TMEM117: variants seen among roughly 807,000 people sequenced by gnomAD.
The protein encoded by TMEM117 is transmembrane protein 117.
In TMEM117, 27 loss-of-function variants were observed where a neutral mutation model predicts 52.4. The observed-to-expected ratio is 0.51, with a 90% CI of 0.38 to 0.71. The LOEUF (loss-of-function observed/expected upper bound fraction) is 0.71. Ranked by LOEUF, TMEM117 falls within the 30% of genes least tolerant of loss-of-function variation. The pLI, the probability that TMEM117 is intolerant of heterozygous loss-of-function variation, is 0.00. For missense variants in TMEM117, 556 were observed against 630.5 expected, an observed-to-expected ratio of 0.88 and a Z score of 1.26; for synonymous variants, 215 against 206.3, an observed-to-expected ratio of 1.04 and a Z score of -0.36.
chr12:44,155,113 T>TA (rs1339366059), intron 4 of TMEM117, among the ~76,000 whole-genome samples: 31 of 152,176 alleles, frequency 2.0e-4, no homozygotes, highest in Admixed American at 4.6e-4. Context: ...CATTTTGAGA[T>TA]AAAAAAACTC....
chr12:44,068,137 G>A (rs1485898731), intron 3 of TMEM117, among the ~76,000 whole-genome samples: 3 of 152,200 alleles, frequency 2.0e-5, no homozygotes, highest in African/African-American at 7.2e-5. Context: ...ATTGAAGAGA[G>A]TTAGGGCCTT....
chr12:44,134,190 G>A (rs984675389), intron 3 of TMEM117, among the ~76,000 whole-genome samples: 13 of 152,080 alleles, frequency 8.5e-5, no homozygotes, highest in Admixed American at 6.6e-4. Flanking sequence ...CTCTCAAAAC[G>A]GAGACACATT....
At position 43,992,454 on chromosome 12, in the gene TMEM117, A is replaced by G. The variant is rs141458555; in HGVS notation, c.410+48112A>G. 5.2e-3 allele frequency among the ~76,000 whole-genome samples: 784 copies of G among 151,760 alleles called. 9 individuals carry two copies. The highest frequency in any genetic ancestry group is 0.018 in the African/African-American group (725 of 41,406). ...GGCTAATTTCTTTTTTGTTTTTTAAACTTTTTGTAGACACGGGTCTCACCA... is the reference window on the plus strand; with the variant it reads ...GGCTAATTTCTTTTTTGTTTTTTAAGCTTTTTGTAGACACGGGTCTCACCA... On this transcript the variant is annotated intron_variant, in intron 3 of 7. Transcript: ENST00000266534.
rs531611669 is a variant in TMEM117 at position 44,160,292 on chromosome 12, TAC to T, written c.510+16678_510+16679del. Among the ~76,000 whole-genome samples, 123 of 152,142 alleles carry T rather than the reference TAC, an allele frequency of 8.1e-4. 2 individuals are homozygous for T. In the East Asian group the frequency reaches 0.022, roughly 27 times the overall value. ...ACACATACACATATGTATATATATA[TAC>T]ACACACACATATAACTCACAGAAAA... is the stretch of plus-strand genomic sequence containing the variant. On this transcript the variant is annotated intron_variant, in intron 4 of 7. Transcript: ENST00000266534.
At chr12:43,972,743 C>T (rs1405701672) in intron 3 of TMEM117, among the ~76,000 whole-genome samples, 1 of 151,990 alleles carries the variant, frequency 6.6e-6, no homozygotes, top group East Asian at 1.9e-4. Context: ...GCGCTGATGG[C>T]TGTGTTTTTA....
chr12:44,181,295 C>T (rs1455241714), intron 4 of TMEM117, among the ~76,000 whole-genome samples: 62 of 151,752 alleles, frequency 4.1e-4, no homozygotes, highest in African/African-American at 1.2e-3. Flanking sequence ...TTCTCCCATT[C>T]TGTAGGTTGC....
At chr12:43,991,360 C>G (rs185340439) in intron 3 of TMEM117, among the ~76,000 whole-genome samples, 2 of 152,014 alleles carry the variant, frequency 1.3e-5, no homozygotes, top group African/African-American at 4.8e-5. Context: ...TTGAGCACCT[C>G]GGGAGATAAG....
At chr12:43,868,195 A>T (rs1014506288) in intron 2 of TMEM117, among the ~76,000 whole-genome samples, 2 of 120,698 alleles carry the variant, frequency 1.7e-5, no homozygotes, top group Non-Finnish European at 1.7e-5. Flanking sequence ...CCTCCACCCA[A>T]CCCCCGCCCC....
At chr12:44,117,225 A>C (rs1198654009) in intron 3 of TMEM117, among the ~76,000 whole-genome samples, 1 of 151,960 alleles carries the variant, frequency 6.6e-6, no homozygotes, top group Non-Finnish European at 1.5e-5. Flanking sequence ...TTTTGCATAT[A>C]TTGTTTCTTC....
At chr12:43,798,581 G>A in the TMEM117 span, 1 of 1,522,840 alleles carries the variant, frequency 6.6e-7, no homozygotes, top group Admixed American at 2.1e-5. Context: ...ATGATCCTCT[G>A]GGCTCTGATT....
intron 5 of TMEM117, among the ~76,000 whole-genome samples, chr12:44,218,582 C>G (rs1949749263): frequency 6.6e-6 from 1 of 152,172 alleles, no homozygotes; most frequent in Non-Finnish European, 1.5e-5. Context: ...AGGTTGCTCA[C>G]TCTCCCCCAC....
intron 3 of TMEM117, among the ~76,000 whole-genome samples, chr12:44,105,110 A>C (rs960956366): frequency 6.6e-6 from 1 of 151,670 alleles, no homozygotes; most frequent in Non-Finnish European, 1.5e-5. Flanking sequence ...CTAAGCTTAC[A>C]TTACACCTTT....
chr12:44,125,314 A>G (rs968246920), intron 3 of TMEM117, among the ~76,000 whole-genome samples: 1 of 151,954 alleles, frequency 6.6e-6, no homozygotes, highest in African/African-American at 2.4e-5. Context: ...TCACCGTGTT[A>G]GCCAGGATGG....
At chr12:44,090,798 C>T (rs1376569688) in intron 3 of TMEM117, among the ~76,000 whole-genome samples, 2 of 146,422 alleles carry the variant, frequency 1.4e-5, no homozygotes, top group Non-Finnish European at 1.5e-5. Flanking sequence ...CATTCTTGTG[C>T]CTTTTTGTTT....
At chr12:44,356,274 A>T (rs1353928772) in intron 6 of TMEM117, among the ~76,000 whole-genome samples, 2 of 152,166 alleles carry the variant, frequency 1.3e-5, no homozygotes, top group African/African-American at 4.8e-5. Flanking sequence ...TTTGTTGCAA[A>T]CTGCAAAACT....
At chr12:44,268,198 C>G (rs925004752) in intron 5 of TMEM117, among the ~76,000 whole-genome samples, 1 of 151,482 alleles carries the variant, frequency 6.6e-6, no homozygotes, top group Non-Finnish European at 1.5e-5. Context: ...AGTGCAATGA[C>G]GTGATCTCGG....
chr12:44,365,278 C>T (rs1277180158), intron 6 of TMEM117, among the ~76,000 whole-genome samples: 2 of 151,960 alleles, frequency 1.3e-5, no homozygotes, highest in African/African-American at 2.4e-5. Flanking sequence ...TCCCCAGGTG[C>T]TCCAGGTAGC....
At chr12:44,353,960 T>C (rs1565747591) in intron 6 of TMEM117, among the ~76,000 whole-genome samples, 1 of 152,216 alleles carries the variant, frequency 6.6e-6, no homozygotes, top group Non-Finnish European at 1.5e-5. Flanking sequence ...GTTTGTATCC[T>C]CTTTTATTTC....
At chr12:43,853,814 G>C (rs1943352931) in intron 2 of TMEM117, among the ~76,000 whole-genome samples, 1 of 152,170 alleles carries the variant, frequency 6.6e-6, no homozygotes, top group Non-Finnish European at 1.5e-5. Flanking sequence ...CCAGGACAGG[G>C]GAAGAAAGCT....
Sources: allele counts gnomAD v4.1 joint callset (sites outside exome capture counted in the v4.1 genomes callset), GRCh38; gene constraint gnomAD v4.1.1; transcripts MANE v1.5; gene names NCBI Gene and HGNC (gene_info 2026-07-23, HGNC 2026-07-21).